Variants in TPD52 observed in about 807,000 individuals in gnomAD.
TPD52 encodes the protein prostate and colon associated protein.
A neutral mutation model predicts 31.3 loss-of-function variants in TPD52; 17 were observed. The ratio of observed to expected loss-of-function variants is 0.54; its 90% CI spans 0.37 to 0.82. TPD52 has a LOEUF of 0.82. TPD52 is among the 40% of genes least tolerant of loss of function. The pLI, the probability that TPD52 is intolerant of heterozygous loss-of-function variation, is 0.00. For synonymous variants in TPD52, 83 were observed against 89.6 expected (o/e 0.93, Z 0.42); for missense variants, 212 against 240.1 (o/e 0.88, Z 0.77).
At position 80,101,982 on chromosome 8, in the gene TPD52, GC is replaced by G. The variant is rs1806777798; in HGVS notation, c.20-37390del. ...AGGAAGGCAGACAGAGAAAGAGAGTGCATGCAACTAAGCCTGTGTGCACACA... is the reference window on the plus strand; with the variant it reads ...AGGAAGGCAGACAGAGAAAGAGAGTGATGCAACTAAGCCTGTGTGCACACA... On this transcript the variant is annotated intron_variant, in intron 1 of 7. Coordinates refer to ENST00000518937, the MANE Select transcript of TPD52 (RefSeq NM_001025253.3). Among the ~76,000 whole-genome samples the G allele has an allele frequency of 2.6e-5, 4 of 152,320 alleles. No homozygotes were observed. In the South Asian group the frequency reaches 8.3e-4, roughly 32 times the overall value.
chr8:80,154,199 G>A (rs1810768978), intron 1 of TPD52, among the ~76,000 whole-genome samples: 1 of 152,218 alleles, frequency 6.6e-6, no homozygotes, highest in South Asian at 2.1e-4. Flanking sequence ...GTGACTGCAT[G>A]GGCAGGCAAC....
chr8:80,133,742 A>C (rs1442984092), intron 1 of TPD52, among the ~76,000 whole-genome samples: 1 of 151,530 alleles, frequency 6.6e-6, no homozygotes, highest in Non-Finnish European at 1.5e-5. Flanking sequence ...TCAAGAGTCC[A>C]GGAACTTGAT....
In TPD52 at chr8:80,037,455, A is replaced by G. The variant is rs1309180778; in HGVS notation, c.*661T>C. On this transcript the variant is annotated 3_prime_UTR_variant, in exon 8 of 8. Coordinates refer to ENST00000518937, the MANE Select transcript of TPD52 (RefSeq NM_001025253.3). The stretch of plus-strand genomic sequence containing the variant: ...TTACTGTCACAAACGGTGCTAAATA[A>G]TGATATAGGAGGTTCCACTCTCAAG... 6.6e-6 allele frequency: 1 copy of G among 152,190 alleles called. No individual in the cohort carries two copies. Among genetic ancestry groups the G allele is most frequent in the Non-Finnish European group, 1.5e-5 (1 of 68,016 alleles). The allele number at this position is 152,190 out of a possible 1,614,324, so 9.4% of individuals were successfully genotyped here. A position where few individuals can be genotyped will look rare whatever the true frequency, so the allele number is the denominator to read the frequency against.
intron 1 of TPD52, among the ~76,000 whole-genome samples, chr8:80,156,760 G>A (rs1479746307): frequency 1.3e-5 from 2 of 152,182 alleles, no homozygotes; most frequent in African/African-American, 4.8e-5. Flanking sequence ...AGGCTGTGGG[G>A]ATGCCAAGTA....
intron 1 of TPD52, among the ~76,000 whole-genome samples, chr8:80,168,297 A>T (rs1314748316): frequency 3.3e-5 from 5 of 152,220 alleles, no homozygotes; most frequent in African/African-American, 1.2e-4. Context: ...ATCAGTAGCA[A>T]GAACAGATTT....
chr8:80,096,554 C>A (rs948011630), intron 1 of TPD52, among the ~76,000 whole-genome samples: 11 of 152,146 alleles, frequency 7.2e-5, no homozygotes, highest in Admixed American at 7.2e-4. Context: ...GCCATTATTC[C>A]AGCAGCACAT....
At chr8:80,131,170 G>C (rs1447361210) in intron 1 of TPD52, among the ~76,000 whole-genome samples, 1 of 152,070 alleles carries the variant, frequency 6.6e-6, no homozygotes, top group South Asian at 2.1e-4. Flanking sequence ...AAGAAGAAAG[G>C]CTGGTGTTGA....
chr8:80,161,732 A>ATATTTT (rs1277398110), intron 1 of TPD52, among the ~76,000 whole-genome samples: 12 of 72,518 alleles, frequency 1.7e-4, no homozygotes, highest in African/African-American at 4.8e-4. Flanking sequence ...ATATATATAT[A>ATATTTT]TTTTTTTTTT....
intron 1 of TPD52, among the ~76,000 whole-genome samples, chr8:80,152,246 G>A (rs1810622041): frequency 6.6e-6 from 1 of 152,144 alleles, no homozygotes; most frequent in South Asian, 2.1e-4. Context: ...AGCTGACCGG[G>A]GAGAGAGGCC....
At chr8:80,101,730 G>C (rs1011914430) in intron 1 of TPD52, among the ~76,000 whole-genome samples, 1 of 152,090 alleles carries the variant, frequency 6.6e-6, no homozygotes, top group Non-Finnish European at 1.5e-5. Flanking sequence ...GCCAGCTCTC[G>C]TGTGAACCAA....
chr8:80,160,887 T>TCC (rs1432844279), intron 1 of TPD52, among the ~76,000 whole-genome samples: 1 of 13,962 alleles, frequency 7.2e-5, no homozygotes, highest in African/African-American at 2.8e-4. Context: ...CTACTAAAAA[T>TCC]ACAAAAAAAA....
chr8:80,125,407 C>T (rs1808535107), intron 1 of TPD52, among the ~76,000 whole-genome samples: 1 of 152,136 alleles, frequency 6.6e-6, no homozygotes, highest in South Asian at 2.1e-4. Context: ...GACAGAGAGA[C>T]ACTGTCCCAT....
intron 6 of TPD52, among the ~76,000 whole-genome samples, chr8:80,043,473 A>G (rs1193336910): frequency 6.6e-6 from 1 of 152,180 alleles, no homozygotes; most frequent in African/African-American, 2.4e-5. Context: ...TGGTGATGGC[A>G]GAACAGTTAA....
At chr8:80,160,697 C>T (rs1016350309) in intron 1 of TPD52, among the ~76,000 whole-genome samples, 3 of 151,962 alleles carry the variant, frequency 2.0e-5, no homozygotes, top group African/African-American at 7.3e-5. Context: ...AAAACTACTA[C>T]TAACATGTGC....
chr8:80,064,604 A>G lies in TPD52; in HGVS notation c.20-11T>C. On this transcript the variant is annotated splice_polypyrimidine_tract_variant and intron_variant, in intron 1 of 7. Coordinates refer to ENST00000518937, the MANE Select transcript of TPD52 (RefSeq NM_001025253.3). ...CTGTTCTCAGCAGACCTGGTTGGGG[A>G]TTTAAACCATTTTTTAAAGTGCAAA... 3 of 1,606,100 alleles carry G rather than the reference A, an allele frequency of 1.9e-6. No individual in the cohort carries two copies. Among genetic ancestry groups the G allele is most frequent in the East Asian group, 2.2e-5 (1 of 44,834 alleles).
At chr8:80,082,303 C>G (rs1293300793) in intron 1 of TPD52, among the ~76,000 whole-genome samples, 1 of 152,070 alleles carries the variant, frequency 6.6e-6, no homozygotes, top group East Asian at 1.9e-4. Context: ...TGGCCTCTTA[C>G]TGGGACAGGA....
chr8:80,146,981 C>T (rs986015912), intron 1 of TPD52, among the ~76,000 whole-genome samples: 3 of 152,188 alleles, frequency 2.0e-5, no homozygotes, highest in Non-Finnish European at 4.4e-5. Flanking sequence ...CAGGCCTCAC[C>T]GCAGACCTAC....
In TPD52 at chr8:80,086,642, G is replaced by A. The variant is rs1277044435; in HGVS notation, c.20-22049C>T. On this transcript the variant is annotated intron_variant, in intron 1 of 7. Coordinates refer to ENST00000518937, the MANE Select transcript of TPD52 (RefSeq NM_001025253.3). ...TAATCCTGGCACTTTGGGAGACCAA[G>A]GCAGGCAGATCACCTGACATCAAGA... Among the ~76,000 whole-genome samples the A allele has an allele frequency of 2.0e-5, 3 of 152,000 alleles. No homozygotes were observed. In the South Asian group the frequency reaches 6.2e-4, roughly 32 times the overall value.
intron 1 of TPD52, among the ~76,000 whole-genome samples, chr8:80,073,788 A>C (rs1814205164): frequency 6.6e-6 from 1 of 152,120 alleles, no homozygotes; most frequent in Non-Finnish European, 1.5e-5. Flanking sequence ...TATTTAAAGC[A>C]GATGTGAAAT....
Sources: gnomAD v4.1 joint callset for allele counts (sites outside exome capture counted in the v4.1 genomes callset) on GRCh38, gnomAD v4.1.1 for gene constraint, MANE v1.5 for transcripts, NCBI Gene and HGNC (gene_info 2026-07-23, HGNC 2026-07-21) for gene names.